CSMD1: variants seen among roughly 807,000 people sequenced by gnomAD.
The protein encoded by CSMD1 is CUB and Sushi multiple domains 1.
In CSMD1, 213 loss-of-function variants were observed where a neutral mutation model predicts 417.5. The observed-to-expected ratio is 0.51, with a 90% CI of 0.46 to 0.57. The LOEUF (loss-of-function observed/expected upper bound fraction) is 0.57, where lower values mean the gene tolerates loss of function less well. Among genes scored for constraint, CSMD1 ranks in the 20% least tolerant of loss-of-function variants. CSMD1 has a pLI of 0.00. For missense variants in CSMD1, 6,923 were observed against 4,529.7 expected (o/e 1.53, Z -15.17); for synonymous variants, 2,862 against 1,736.8 (o/e 1.65, Z -16.11).
At chr8:3,873,025 A>G (rs1805585278) in intron 5 of CSMD1, among the ~76,000 whole-genome samples, 1 of 152,144 alleles carries the variant, frequency 6.6e-6, no homozygotes, top group Non-Finnish European at 1.5e-5. Flanking sequence ...ACTACTCAGA[A>G]TTGTTGTTAT....
At position 3,784,456 on chromosome 8, in the gene CSMD1, G is replaced by C. The variant is rs547242696; in HGVS notation, c.819-30414C>G. ...TTCAGTTTCTTAAAGAGATATATAA[G>C]TTCCTGATTTTAAGGTGAACTTCTA... is the stretch of plus-strand genomic sequence containing the variant. On this transcript the variant is annotated intron_variant, in intron 5 of 69. Transcript: ENST00000635120. Among the ~76,000 whole-genome samples, 19 of 152,284 alleles carry C rather than the reference G, an allele frequency of 1.2e-4. No individual in the cohort carries two copies. In the South Asian group the frequency reaches 1.9e-3, roughly 15 times the overall value.
chr8:4,291,698 G>A (rs1286119317), intron 3 of CSMD1, among the ~76,000 whole-genome samples: 1 of 152,140 alleles, frequency 6.6e-6, no homozygotes, highest in African/African-American at 2.4e-5. Flanking sequence ...TCAACGGGTG[G>A]TAAAATTCAT....
At chr8:4,045,331 C>T (rs1481653876) in intron 3 of CSMD1, among the ~76,000 whole-genome samples, 1 of 152,136 alleles carries the variant, frequency 6.6e-6, no homozygotes, top group South Asian at 2.1e-4. Context: ...AAAGGACCAT[C>T]AATTGTGTAT....
In CSMD1 at chr8:3,469,120, G is replaced by T. The variant is rs371907811; in HGVS notation, c.1449-296C>A. On this transcript the variant is annotated intron_variant, in intron 11 of 69. Transcript: ENST00000635120. ...TCCTGGAACCGAGAGGCTTCCCCAG[G>T]TGCAGGAATTACAATGTTACAACTG... 122 of 254,958 alleles carry T rather than the reference G, an allele frequency of 4.8e-4. No homozygotes were observed. The South Asian group carries it at 7.7e-3, about 16-fold the overall frequency. 15.8% of individuals were successfully genotyped at this position (254,958 alleles called of 1,614,324 possible).
At chr8:3,665,298 G>C (rs1798628403) in intron 7 of CSMD1, among the ~76,000 whole-genome samples, 1 of 152,270 alleles carries the variant, frequency 6.6e-6, no homozygotes, top group African/African-American at 2.4e-5. Context: ...AGGAGGCTGA[G>C]GTGGGCGGAT....
intron 2 of CSMD1, among the ~76,000 whole-genome samples, chr8:4,466,646 A>C (rs570056904): frequency 6.6e-6 from 1 of 152,230 alleles, no homozygotes; most frequent in African/African-American, 2.4e-5. Context: ...TAAATGTTTA[A>C]TTTTTCAGAA....
intron 6 of CSMD1, among the ~76,000 whole-genome samples, chr8:3,731,934 C>A (rs1796286878): frequency 6.6e-6 from 1 of 152,124 alleles, no homozygotes; most frequent in Non-Finnish European, 1.5e-5. Flanking sequence ...AGGTTTGAAA[C>A]CATACAATGG....
chr8:4,870,832 C>A (rs1034837899), intron 1 of CSMD1, among the ~76,000 whole-genome samples: 3 of 152,136 alleles, frequency 2.0e-5, no homozygotes, highest in Non-Finnish European at 4.4e-5. Flanking sequence ...TTTGCTGGCT[C>A]CCCTCTGCTT....
At chr8:4,437,118 C>A (rs564358187) in intron 2 of CSMD1, among the ~76,000 whole-genome samples, 1 of 152,222 alleles carries the variant, frequency 6.6e-6, no homozygotes, top group African/African-American at 2.4e-5. Flanking sequence ...AGTTGCTACC[C>A]AAAAGAATTC....
chr8:4,004,776 ACT>A (rs2130387988), intron 4 of CSMD1, among the ~76,000 whole-genome samples: 1 of 151,824 alleles, frequency 6.6e-6, no homozygotes, highest in East Asian at 1.9e-4. Flanking sequence ...ATGGCGTCTC[ACT>A]CTGTTGCCCA....
intron 7 of CSMD1, among the ~76,000 whole-genome samples, chr8:3,620,822 T>G (rs572287837): frequency 1.3e-5 from 2 of 152,188 alleles, no homozygotes; most frequent in Non-Finnish European, 2.9e-5. Context: ...ACCCTTTAAA[T>G]AATTATTTTA....
intron 12 of CSMD1, among the ~76,000 whole-genome samples, chr8:3,463,267 C>G (rs951242035): frequency 3.9e-5 from 6 of 152,168 alleles, no homozygotes; most frequent in Admixed American, 6.5e-5. Context: ...CCCAATACCT[C>G]CTGCTACACA....
At chr8:4,421,369 G>A (rs1471021809) in intron 2 of CSMD1, among the ~76,000 whole-genome samples, 1 of 152,082 alleles carries the variant, frequency 6.6e-6, no homozygotes, top group African/African-American at 2.4e-5. Context: ...TACCCAGCAA[G>A]AACAGAGTAC....
chr8:3,470,807 C>A (rs977453418), intron 11 of CSMD1, among the ~76,000 whole-genome samples: 1 of 152,148 alleles, frequency 6.6e-6, no homozygotes, highest in Non-Finnish European at 1.5e-5. Context: ...TTTTACTTAG[C>A]TTAATTCCTG....
At chr8:4,548,983 T>A (rs1432167468) in intron 2 of CSMD1, among the ~76,000 whole-genome samples, 1 of 152,242 alleles carries the variant, frequency 6.6e-6, no homozygotes, top group African/African-American at 2.4e-5. Flanking sequence ...GACGCAATTG[T>A]ATTTTTTTAT....
At chr8:4,614,486 G>A (rs1801362447) in intron 2 of CSMD1, among the ~76,000 whole-genome samples, 2 of 152,102 alleles carry the variant, frequency 1.3e-5, no homozygotes, top group South Asian at 2.1e-4. Flanking sequence ...CCTCTAAACT[G>A]ATCTCTTTAT....
chr8:3,892,330 G>C (rs758372869), intron 5 of CSMD1, among the ~76,000 whole-genome samples: 3 of 152,102 alleles, frequency 2.0e-5, no homozygotes, highest in Non-Finnish European at 4.4e-5. Context: ...ACTGTCTTCA[G>C]CCTATGTCTT....
rs552443599 is a variant in CSMD1 at position 4,310,243 on chromosome 8, C to G, written c.415+109710G>C. Among the ~76,000 whole-genome samples, 13 of 152,232 alleles carry G rather than the reference C, an allele frequency of 8.5e-5. No individual in the cohort carries two copies. In the South Asian group the frequency reaches 2.1e-3, roughly 24 times the overall value. On this transcript the variant is annotated intron_variant, in intron 3 of 69. Coordinates refer to ENST00000635120, the MANE Select transcript of CSMD1 (RefSeq NM_033225.6). ...TCAGGAATTAGCAATTAACTTATCA[C>G]ACAGAAAAATATGAAGTTAGAACTG...
At chr8:4,090,674 A>G (rs546005192) in intron 3 of CSMD1, among the ~76,000 whole-genome samples, 1 of 152,342 alleles carries the variant, frequency 6.6e-6, no homozygotes, top group African/African-American at 2.4e-5. Flanking sequence ...AAGCACATCA[A>G]TTTCCTAATT....
Sources: allele counts gnomAD v4.1 joint callset (sites outside exome capture counted in the v4.1 genomes callset), GRCh38; gene constraint gnomAD v4.1.1; transcripts MANE v1.5; gene names NCBI Gene and HGNC (gene_info 2026-07-23, HGNC 2026-07-21).